NAV2: variants seen among roughly 807,000 people sequenced by gnomAD.
The protein encoded by NAV2 is helicase, APC down-regulated 1.
Under a neutral mutation model 223.2 loss-of-function variants are expected in NAV2, and 54 were observed. The observed-to-expected ratio is 0.24, with a 90% CI of 0.19 to 0.30. The LOEUF (loss-of-function observed/expected upper bound fraction) is 0.30. Among genes scored for constraint, NAV2 ranks in the 10% least tolerant of loss-of-function variants. The probability of loss-of-function intolerance (pLI) is 1.00; values close to 1 mark genes in which losing one functional copy is unlikely to be tolerated. For synonymous variants in NAV2, 1,279 were observed against 1,239.3 expected (o/e 1.03, Z -0.67); for missense variants, 2,806 against 3,147.5 (o/e 0.89, Z 2.60).
intron 8 of NAV2, among the ~76,000 whole-genome samples, chr11:19,940,916 C>T (rs554029050): frequency 3.3e-5 from 5 of 152,236 alleles, no homozygotes; most frequent in East Asian, 3.9e-4. Flanking sequence ...ATGGATAGCA[C>T]GGGAAAAGGA....
intron 1 of NAV2, among the ~76,000 whole-genome samples, chr11:19,554,035 G>T (rs1444298406): frequency 6.6e-6 from 1 of 152,204 alleles, no homozygotes; most frequent in African/African-American, 2.4e-5. Flanking sequence ...ATTTCATACT[G>T]AAAAGTTGTG....
At chr11:19,443,412 A>G (rs1851473168) in intron 1 of NAV2, among the ~76,000 whole-genome samples, 1 of 152,202 alleles carries the variant, frequency 6.6e-6, no homozygotes, top group Non-Finnish European at 1.5e-5. Context: ...TGGGCAGTGC[A>G]TCCCCACTCT....
At chr11:19,610,355 G>T (rs1217113481) in intron 1 of NAV2, among the ~76,000 whole-genome samples, 1 of 152,102 alleles carries the variant, frequency 6.6e-6, no homozygotes, top group Non-Finnish European at 1.5e-5. Context: ...AGAATAAAGA[G>T]GAAAATAAAG....
intron 4 of NAV2, among the ~76,000 whole-genome samples, chr11:19,875,864 T>C (rs1466432043): frequency 6.6e-6 from 1 of 152,176 alleles, no homozygotes. Context: ...ACACAGGGGA[T>C]GAGCAGAGAG....
intron 1 of NAV2, among the ~76,000 whole-genome samples, chr11:19,478,879 T>A (rs2042199159): frequency 6.6e-6 from 1 of 152,206 alleles, no homozygotes; most frequent in South Asian, 2.1e-4. Flanking sequence ...TTCCCCCTAA[T>A]GAGTTAATTA....
At chr11:19,610,454 C>T (rs927167898) in intron 1 of NAV2, among the ~76,000 whole-genome samples, 1 of 152,164 alleles carries the variant, frequency 6.6e-6, no homozygotes, top group African/African-American at 2.4e-5. Flanking sequence ...CAGCTCTGAG[C>T]TTTCTATACA....
intron 1 of NAV2, among the ~76,000 whole-genome samples, chr11:19,783,585 A>G (rs1428303769): frequency 6.6e-6 from 1 of 152,180 alleles, no homozygotes; most frequent in Non-Finnish European, 1.5e-5. Context: ...TGGATGTGGT[A>G]TCTTTGCTAT....
intron 1 of NAV2, among the ~76,000 whole-genome samples, chr11:19,387,131 ACT>A (rs1849073964): frequency 6.6e-6 from 1 of 151,832 alleles, no homozygotes; most frequent in African/African-American, 2.4e-5. Context: ...ACTCACACAC[ACT>A]CTCTGTATAC....
intron 1 of NAV2, among the ~76,000 whole-genome samples, chr11:19,767,309 C>A (rs937051864): frequency 6.6e-6 from 1 of 152,192 alleles, no homozygotes; most frequent in Non-Finnish European, 1.5e-5. Context: ...ACATGTCAAA[C>A]TTCATCACAG....
chr11:20,085,197 A>T (rs1236600910), intron 26 of NAV2, among the ~76,000 whole-genome samples: 3 of 85,304 alleles, frequency 3.5e-5, no homozygotes, highest in Non-Finnish European at 7.3e-5. Flanking sequence ...TCTCTATTTA[A>T]AAAAAAAAAA....
chr11:19,917,041 C>G (rs1415985705), intron 6 of NAV2, among the ~76,000 whole-genome samples: 1 of 152,338 alleles, frequency 6.6e-6, no homozygotes, highest in African/African-American at 2.4e-5. Context: ...GCATGGCTAT[C>G]CCTTGATGCA....
Position 19,658,946 on chromosome 11 carries a change from G to A in NAV2, c.76-173538G>A, listed in dbSNP as rs899262092. ...GGTACCTCTCTCCACTAGTCCTGGG[G>A]AAAACGAAATCAGCAAAACATTCGA... On this transcript the variant is annotated intron_variant, in intron 1 of 37. Transcript: ENST00000360655. Among the ~76,000 whole-genome samples, 6 of 152,180 alleles carry A rather than the reference G, an allele frequency of 3.9e-5. 1 individual carries two copies. Among genetic ancestry groups the A allele is most frequent in the African/African-American group, 1.4e-4 (6 of 41,436 alleles).
intron 1 of NAV2, among the ~76,000 whole-genome samples, chr11:19,396,738 G>C (rs1849465417): frequency 6.6e-6 from 1 of 152,176 alleles, no homozygotes; most frequent in Admixed American, 6.5e-5. Flanking sequence ...TTCGTATTTG[G>C]AGTGGGATCC....
chr11:19,430,437 C>A lies in NAV2; in HGVS notation c.75+79410C>A, dbSNP rs182033206. 2.0e-3 allele frequency among the ~76,000 whole-genome samples: 309 copies of A among 152,324 alleles called. 2 individuals carry two copies. Among genetic ancestry groups the A allele is most frequent in the African/African-American group, 7.0e-3 (289 of 41,570 alleles). On this transcript the variant is annotated intron_variant, in intron 1 of 37. Coordinates refer to the NAV2 transcript ENST00000360655. The stretch of plus-strand genomic sequence containing the variant: ...TCCTCTTGAGACAGTTCAAACCCAG[C>A]GACCCTCACTGGCATTCCCTGTCCC...
In NAV2 at chr11:19,378,556, G is replaced by A. The variant is rs138594860; in HGVS notation, c.75+27529G>A. ...CCTCACTATTTGTGGTGATAGGGCC[G>A]GTCGTGATAACAGCATCTCCTTCAG... On this transcript the variant is annotated intron_variant, in intron 1 of 37. Transcript: ENST00000360655. 1.2e-3 allele frequency among the ~76,000 whole-genome samples: 185 copies of A among 151,798 alleles called. 2 individuals are homozygous for A. Among genetic ancestry groups the A allele is most frequent in the African/African-American group, 3.9e-3 (163 of 41,392 alleles).
intron 1 of NAV2, among the ~76,000 whole-genome samples, chr11:19,600,503 C>T (rs553340226): frequency 2.0e-5 from 3 of 152,302 alleles, no homozygotes; most frequent in South Asian, 2.1e-4. Context: ...TCTTACTGAT[C>T]CCCCAAAACT....
intron 6 of NAV2, among the ~76,000 whole-genome samples, chr11:19,928,307 A>G (rs2044979797): frequency 2.0e-5 from 3 of 152,184 alleles, no homozygotes; most frequent in African/African-American, 4.8e-5. Flanking sequence ...TCATTTTCCA[A>G]TATGTTTCTA....
At chr11:19,991,734 G>A (rs573563675) in intron 11 of NAV2, among the ~76,000 whole-genome samples, 55 of 152,188 alleles carry the variant, frequency 3.6e-4, no homozygotes, top group Non-Finnish European at 6.6e-4. Flanking sequence ...TAGTAATTCA[G>A]CATTGAGCTT....
intron 1 of NAV2, among the ~76,000 whole-genome samples, chr11:19,601,737 G>A (rs760855655): frequency 7.2e-5 from 11 of 152,160 alleles, no homozygotes; most frequent in Non-Finnish European, 1.0e-4. Context: ...ATGCGATGGG[G>A]TCAGAGATGA....
Sources: allele counts gnomAD v4.1 joint callset (sites outside exome capture counted in the v4.1 genomes callset), GRCh38; gene constraint gnomAD v4.1.1; transcripts MANE v1.5; gene names NCBI Gene and HGNC (gene_info 2026-07-23, HGNC 2026-07-21).